The following DMD variants were observed in gnomAD, a reference collection of about 807,000 sequenced individuals.
DMD encodes the protein dystrophin, also known as mutant dystrophin.
DMD carries 63 observed loss-of-function variants against 330.1 expected under a neutral mutation model. The ratio of observed to expected loss-of-function variants is 0.19; its 90% CI spans 0.16 to 0.24. DMD has a LOEUF of 0.24. DMD is among the 10% of genes least tolerant of loss of function. The pLI is 1.00. For synonymous variants in DMD, 1,223 were observed against 959.8 expected (o/e 1.27, Z -5.07); for missense variants, 3,344 against 2,684.1 (o/e 1.25, Z -5.43).
chrX:31,968,637 G>T, intron 44 of DMD, 123 bp from the exon 45 acceptor site: 1 of 776,718 alleles, frequency 1.3e-6, no homozygotes, highest in Non-Finnish European at 1.9e-6. Context: ...AAAGCTCCAT[G>T]TGAAAATTTC....
chrX:32,499,109 G>T (rs752888988), intron 19 of DMD, among the ~76,000 whole-genome samples: 2 of 111,800 alleles, frequency 1.8e-5, no homozygotes, highest in South Asian at 7.3e-4. Flanking sequence ...TAAGTTATGA[G>T]AAATTATTTT....
At chrX:31,815,793 A>G (rs146871345) in intron 50 of DMD, among the ~76,000 whole-genome samples, 2,915 of 111,478 alleles carry the variant, frequency 0.026, 95 homozygotes, top group African/African-American at 0.09. Context: ...TTTGACCAAT[A>G]TAACTTAGCA....
At chrX:32,107,140 A>C (rs747030210) in intron 44 of DMD, among the ~76,000 whole-genome samples, 1 of 110,822 alleles carries the variant, frequency 9.0e-6, no homozygotes, top group African/African-American at 3.3e-5. Context: ...GTAAAGCTTC[A>C]TGAACAAATT....
intron 2 of DMD, among the ~76,000 whole-genome samples, chrX:32,890,582 A>C (rs1355751309): frequency 1.8e-5 from 2 of 111,493 alleles, no homozygotes; most frequent in Non-Finnish European, 3.8e-5. Flanking sequence ...AACACATTTC[A>C]ATGGCAACTG....
At chrX:31,160,139 C>T (rs966232698) in intron 74 of DMD, among the ~76,000 whole-genome samples, 1 of 110,511 alleles carries the variant, frequency 9.0e-6, no homozygotes, top group South Asian at 4.0e-4. Context: ...AATCATTTCA[C>T]AAGAAAGAAC....
At chrX:32,628,793 C>T (rs945683422) in intron 11 of DMD, among the ~76,000 whole-genome samples, 1 of 111,654 alleles carries the variant, frequency 9.0e-6, no homozygotes, top group Non-Finnish European at 1.9e-5. Flanking sequence ...AATTCAAGAG[C>T]ATATTGTTTA....
intron 55 of DMD, among the ~76,000 whole-genome samples, chrX:31,539,269 A>G (rs1476557274): frequency 2.7e-5 from 3 of 111,445 alleles, no homozygotes; most frequent in Non-Finnish European, 5.6e-5. Flanking sequence ...TAATCTATTC[A>G]TTTTCCAGAA....
chrX:32,430,505 A>G (rs1320233179), intron 29 of DMD, among the ~76,000 whole-genome samples: 1 of 111,833 alleles, frequency 8.9e-6, no homozygotes. Context: ...AATCTATGAC[A>G]TAAACCTATT....
At chrX:33,188,126 C>A (rs766160722) in intron 1 of DMD, among the ~76,000 whole-genome samples, 6 of 110,826 alleles carry the variant, frequency 5.4e-5, no homozygotes, top group Non-Finnish European at 1.1e-4. Context: ...GGAAAATATT[C>A]TCCAGGTTTT....
intron 59 of DMD, among the ~76,000 whole-genome samples, chrX:31,473,711 C>CAAAAAAAAAAAAAAAAAAAAAAA (rs55752684): frequency 1.2e-4 from 5 of 40,129 alleles, no homozygotes; most frequent in East Asian, 8.8e-4. Flanking sequence ...GACTCTGTCT[C>CAAAAAAAAAAAAAAAAAAAAAAA]AAAAAAAAAA....
intron 2 of DMD, among the ~76,000 whole-genome samples, chrX:32,922,724 G>A (rs1207526740): frequency 1.8e-5 from 2 of 112,153 alleles, no homozygotes; most frequent in East Asian, 2.8e-4. Flanking sequence ...AACAGGTCAC[G>A]GACCGATTGG....
chrX:32,440,173 A>G (rs2098276374), intron 28 of DMD, among the ~76,000 whole-genome samples: 1 of 111,684 alleles, frequency 9.0e-6, no homozygotes, highest in Non-Finnish European at 1.9e-5. Flanking sequence ...ATTTGCTGCA[A>G]CTTTTCTAGA....
intron 51 of DMD, among the ~76,000 whole-genome samples, chrX:31,750,020 G>C (rs148213657): frequency 0.053 from 5,847 of 109,860 alleles, 161 homozygotes; most frequent in Non-Finnish European, 0.08. Context: ...ATTTGTTGGA[G>C]TTCATTGTAG....
At chrX:32,999,907 G>A (rs1040828149) in intron 2 of DMD, among the ~76,000 whole-genome samples, 1 of 112,619 alleles carries the variant, frequency 8.9e-6, no homozygotes, top group African/African-American at 3.2e-5. Flanking sequence ...TACTTGAAGC[G>A]TCACGTACAC....
intron 44 of DMD, among the ~76,000 whole-genome samples, chrX:32,028,445 T>C: frequency 9.1e-6 from 1 of 110,396 alleles, no homozygotes; most frequent in Non-Finnish European, 1.9e-5. Flanking sequence ...CCAGGAAAAA[T>C]CCAACTTTTT....
At chrX:32,252,793 AATATATATAT>A (rs1359167838) in intron 43 of DMD, among the ~76,000 whole-genome samples, 1 of 43,975 alleles carries the variant, frequency 2.3e-5, no homozygotes, top group Non-Finnish European at 3.3e-5. Flanking sequence ...AATATATATA[AATATATATAT>A]AAATATATAT....
intron 1 of DMD, among the ~76,000 whole-genome samples, chrX:33,085,193 T>C (rs1400284985): frequency 1.8e-5 from 2 of 111,671 alleles, no homozygotes; most frequent in African/African-American, 3.3e-5. Flanking sequence ...TGGTGAAAAA[T>C]GGAATATGGC....
At chrX:33,058,838 C>T (rs2094549202) in intron 1 of DMD, among the ~76,000 whole-genome samples, 1 of 111,617 alleles carries the variant, frequency 9.0e-6, no homozygotes, top group Non-Finnish European at 1.9e-5. Context: ...TGAAGTTAGG[C>T]ACCTATTCAA....
At chrX:32,364,966 T>C (rs2147257823) in intron 35 of DMD, 54 bp downstream of exon 35, 1 of 1,170,651 alleles carries the variant, frequency 8.5e-7, no homozygotes, top group East Asian at 3.0e-5. Context: ...GTCACTTATG[T>C]ATCTTTTTCT....
Sources: allele counts gnomAD v4.1 joint callset (sites outside exome capture counted in the v4.1 genomes callset), GRCh38; gene constraint gnomAD v4.1.1; transcripts MANE v1.5; gene names NCBI Gene and HGNC (gene_info 2026-07-23, HGNC 2026-07-21).